The following CNTNAP3 variants were observed in gnomAD, a reference collection of about 807,000 sequenced individuals.
CNTNAP3 encodes contactin associated protein family member 3.
In CNTNAP3, 36 loss-of-function variants were observed where a neutral mutation model predicts 92.1. The ratio of observed to expected loss-of-function variants is 0.39; its 90% CI spans 0.30 to 0.52. The LOEUF (loss-of-function observed/expected upper bound fraction) is 0.52. Ranked by LOEUF, CNTNAP3 falls within the 20% of genes least tolerant of loss-of-function variation. The pLI is 0.76. For synonymous variants in CNTNAP3, 232 were observed against 422.3 expected (o/e 0.55, Z 5.53); for missense variants, 534 against 1,069.6 (o/e 0.50, Z 6.98).
chr9:39,089,944 AT>A (rs1826152186), intron 18 of CNTNAP3, among the ~76,000 whole-genome samples: 1 of 151,254 alleles, frequency 6.6e-6, no homozygotes, highest in Non-Finnish European at 1.5e-5. Flanking sequence ...TTTTGTTTTT[AT>A]TTTTGTTTTC....
intron 9 of CNTNAP3, chr9:39,159,535 T>TA (rs1196352155): frequency 2.3e-5 from 3 of 133,012 alleles, no homozygotes; most frequent in African/African-American, 8.7e-5. Context: ...TTTCACCATG[T>TA]TAGCCAGGCT....
At chr9:39,105,403 G>A (rs541988843) in intron 15 of CNTNAP3, among the ~76,000 whole-genome samples, 1 of 152,042 alleles carries the variant, frequency 6.6e-6, no homozygotes, top group African/African-American at 2.4e-5. Flanking sequence ...CTCCAGCCTG[G>A]GTGACAGAGC....
intron 15 of CNTNAP3, among the ~76,000 whole-genome samples, chr9:39,108,350 C>T (rs1390343367): frequency 2.0e-5 from 3 of 152,102 alleles, no homozygotes; most frequent in Admixed American, 2.0e-4. Flanking sequence ...GCCTACACGA[C>T]TGGCTACAGA....
chr9:39,149,723 G>A (rs942521416), intron 10 of CNTNAP3, 83 bp downstream of exon 10: 19 of 717,920 alleles, frequency 2.6e-5, no homozygotes, highest in Non-Finnish European at 4.2e-5. Context: ...AAAAGAGAAC[G>A]GAATGCCTTT....
At chr9:39,102,205 G>A (rs188118655) in intron 17 of CNTNAP3, among the ~76,000 whole-genome samples, 25,636 of 142,170 alleles carry the variant, frequency 0.18, 2 homozygotes, top group East Asian at 0.29. Context: ...GCTTGAACCC[G>A]GCAGGTGGAG....
rs778312464 is a variant in CNTNAP3 at position 39,144,317 on chromosome 9, C to G, written c.1679G>C (p.Gly560Ala). Residue 560 changes from glycine to alanine, a missense_variant, in exon 11 of 24, where the codon GGC (glycine) becomes GCC (alanine). Coordinates refer to ENST00000297668, the MANE Select transcript of CNTNAP3 (RefSeq NM_033655.5). ...GGTGTCCCACGACTGGGAACACTCG[C>G]CCCCATGCTCACAGTAGCTGGGCAA... Reference protein sequence around the residue: ...RCLPSYCEHGGECSQSWDTFS... With the variant: ...RCLPSYCEHGAECSQSWDTFS... The G allele has an allele frequency of 6.4e-7, 1 of 1,571,352 alleles. No individual in the cohort carries two copies. The highest frequency in any genetic ancestry group is 1.8e-5 in the Admixed American group (1 of 54,772).
At chr9:39,135,880 A>G (rs1429717208) in intron 12 of CNTNAP3, among the ~76,000 whole-genome samples, 1 of 152,164 alleles carries the variant, frequency 6.6e-6, no homozygotes, top group African/African-American at 2.4e-5. Flanking sequence ...CTGTAATCCC[A>G]GCACTTTGGG....
intron 18 of CNTNAP3, among the ~76,000 whole-genome samples, chr9:39,098,973 T>C (rs975536829): frequency 3.5e-5 from 5 of 141,028 alleles, no homozygotes; most frequent in South Asian, 2.3e-4. Context: ...TTTTTCCTTT[T>C]CTTTTTTTTT....
At chr9:39,121,713 C>T (rs1356985127) in intron 13 of CNTNAP3, among the ~76,000 whole-genome samples, 1 of 151,948 alleles carries the variant, frequency 6.6e-6, no homozygotes, top group African/African-American at 2.4e-5. Flanking sequence ...AACACACCTT[C>T]AAGAGTTTTA....
At chr9:39,115,932 A>G (rs1244250288) in intron 14 of CNTNAP3, among the ~76,000 whole-genome samples, 2 of 149,472 alleles carry the variant, frequency 1.3e-5, no homozygotes, top group Non-Finnish European at 3.0e-5. Flanking sequence ...ATACTAACAG[A>G]AGGTTCTGTA....
chr9:39,131,471 G>A (rs1441884353), intron 13 of CNTNAP3, among the ~76,000 whole-genome samples: 3 of 151,700 alleles, frequency 2.0e-5, no homozygotes, highest in Admixed American at 2.0e-4. Flanking sequence ...GGGGAGAGAG[G>A]GATCACCCTG....
chr9:39,128,137 C>T (rs1301250737), intron 13 of CNTNAP3, among the ~76,000 whole-genome samples: 1 of 152,094 alleles, frequency 6.6e-6, no homozygotes, highest in Non-Finnish European at 1.5e-5. Flanking sequence ...CCCTGCCGGG[C>T]CTTACTGGAG....
At chr9:39,255,623 AT>A (rs537547478) in intron 2 of CNTNAP3, among the ~76,000 whole-genome samples, 824 of 68,264 alleles carry the variant, frequency 0.012, 194 homozygotes, top group African/African-American at 0.025. Flanking sequence ...ATCACATGAA[AT>A]TTACCATTTG....
At chr9:39,084,130 T>C (rs1826010686) in intron 21 of CNTNAP3, among the ~76,000 whole-genome samples, 1 of 151,706 alleles carries the variant, frequency 6.6e-6, no homozygotes, top group Non-Finnish European at 1.5e-5. Context: ...GGTGGGTAGG[T>C]ATAGTGTTTC....
chr9:39,109,004 T>G (rs1319867485), intron 15 of CNTNAP3, among the ~76,000 whole-genome samples, 156 bp downstream of exon 15: 2 of 152,228 alleles, frequency 1.3e-5, no homozygotes, highest in Non-Finnish European at 2.9e-5. Flanking sequence ...TCTTCAGTAC[T>G]GACTGTGCCT....
At chr9:39,107,663 G>A (rs1458115272) in intron 15 of CNTNAP3, among the ~76,000 whole-genome samples, 2 of 152,084 alleles carry the variant, frequency 1.3e-5, no homozygotes, top group African/African-American at 2.4e-5. Flanking sequence ...TACTGACATT[G>A]GGAGAAGCTT....
rs760343033 is a variant in CNTNAP3, at chr9:39,109,277, T to C, written c.2248A>G (p.Thr750Ala). 11 of 1,611,756 alleles carry C rather than the reference T, an allele frequency of 6.8e-6. No individual in the cohort carries two copies. In the East Asian group the frequency reaches 2.0e-4, roughly 29 times the overall value. Reference protein sequence around the residue: ...DAGRNEWTSDTIVLSQKEHLP... With the variant: ...DAGRNEWTSDAIVLSQKEHLP... ...TGCTCCTTTTGGGAAAGGACTATTG[T>C]GTCACTAGTCCTAAAGAACAACAAC... The change falls in exon 15 of 24, where the codon ACA becomes GCA. Residue 750 changes from threonine to alanine, a missense_variant. Transcript: ENST00000297668.
intron 13 of CNTNAP3, among the ~76,000 whole-genome samples, chr9:39,120,909 T>C (rs778014582): frequency 6.6e-6 from 1 of 152,070 alleles, no homozygotes; most frequent in Non-Finnish European, 1.5e-5. Flanking sequence ...AAAATTGTAA[T>C]ACCATATGAT....
chr9:39,161,962 C>T (rs957057412), intron 9 of CNTNAP3, among the ~76,000 whole-genome samples: 6 of 121,738 alleles, frequency 4.9e-5, no homozygotes, highest in Admixed American at 7.7e-5. Context: ...ACAACGACAC[C>T]GAAAACATTG....
Sources: gnomAD v4.1 joint callset for allele counts (sites outside exome capture counted in the v4.1 genomes callset) on GRCh38, gnomAD v4.1.1 for gene constraint, MANE v1.5 for transcripts, NCBI Gene and HGNC (gene_info 2026-07-23, HGNC 2026-07-21) for gene names.